The following NR6A1 variants were observed in gnomAD, a reference collection of about 807,000 sequenced individuals.
The protein encoded by NR6A1 is retinoic acid receptor-related testis-associated receptor.
Under a neutral mutation model 59.1 loss-of-function variants are expected in NR6A1, and 7 were observed. That is an observed-to-expected ratio of 0.12 (90% CI 0.07 to 0.22). The LOEUF (loss-of-function observed/expected upper bound fraction) is 0.22, where lower values mean the gene tolerates loss of function less well. NR6A1 is among the 10% of genes least tolerant of loss of function. NR6A1 has a pLI of 1.00. For missense variants in NR6A1, 468 were observed against 611.6 expected (o/e 0.77, Z 2.48); for synonymous variants, 243 against 236.1 (o/e 1.03, Z -0.27).
At chr9:124,757,944 C>T (rs759799715) in intron 1 of NR6A1, among the ~76,000 whole-genome samples, 5 of 152,132 alleles carry the variant, frequency 3.3e-5, no homozygotes, top group Non-Finnish European at 7.4e-5. Flanking sequence ...GCACACTGTA[C>T]GAAAAGCAAA....
chr9:124,554,636 C>CAACT, intron 2 of NR6A1, 66 bp from the exon 3 acceptor site: 1 of 1,599,664 alleles, frequency 6.3e-7, no homozygotes. Flanking sequence ...CTAAAGTGAG[C>CAACT]AACTCTGCTC....
chr9:124,671,304 G>C (rs537816297), intron 2 of NR6A1, among the ~76,000 whole-genome samples: 1 of 152,156 alleles, frequency 6.6e-6, no homozygotes, highest in Non-Finnish European at 1.5e-5. Flanking sequence ...GCTTTTGTGT[G>C]TGTGTTTTAC....
intron 2 of NR6A1, among the ~76,000 whole-genome samples, chr9:124,713,790 A>T (rs1839345589): frequency 6.6e-6 from 1 of 152,250 alleles, no homozygotes; most frequent in Non-Finnish European, 1.5e-5. Context: ...ACTGCTGATG[A>T]GAACGTAAAG....
At chr9:124,600,906 G>A (rs1057277742) in intron 2 of NR6A1, among the ~76,000 whole-genome samples, 12 of 148,994 alleles carry the variant, frequency 8.1e-5, no homozygotes, top group African/African-American at 3.0e-4. Context: ...AAAAGATTTT[G>A]TAATGCCAAT....
intron 2 of NR6A1, among the ~76,000 whole-genome samples, chr9:124,636,618 C>G (rs777477100): frequency 2.6e-5 from 4 of 152,128 alleles, no homozygotes; most frequent in Admixed American, 1.3e-4. Flanking sequence ...TGTCTTGATT[C>G]ATTTTTTTGC....
chr9:124,531,628 G>C (rs1201684196), intron 7 of NR6A1, among the ~76,000 whole-genome samples: 1 of 152,000 alleles, frequency 6.6e-6, no homozygotes, highest in Non-Finnish European at 1.5e-5. Flanking sequence ...CACTTCCTAT[G>C]ACCTCCTAGG....
chr9:124,754,510 G>A (rs1840587000), intron 1 of NR6A1, among the ~76,000 whole-genome samples: 1 of 152,186 alleles, frequency 6.6e-6, no homozygotes, highest in African/African-American at 2.4e-5. Context: ...GAAGCAGAGA[G>A]GACCTCTGCT....
intron 2 of NR6A1, among the ~76,000 whole-genome samples, chr9:124,691,085 G>A (rs139267296): frequency 0.011 from 1,736 of 152,040 alleles, 17 homozygotes; most frequent in Middle Eastern, 0.068. Context: ...GCTTGACATC[G>A]CTTTATATTA....
At chr9:124,632,285 CA>C (rs1324023226) in intron 2 of NR6A1, among the ~76,000 whole-genome samples, 4 of 152,196 alleles carry the variant, frequency 2.6e-5, no homozygotes, top group Non-Finnish European at 4.4e-5. Flanking sequence ...CTCCCACCAA[CA>C]GTGTAAAAGC....
intron 1 of NR6A1, chr9:124,770,338 G>A (rs1265884630): frequency 1.3e-5 from 2 of 152,552 alleles, no homozygotes; most frequent in African/African-American, 4.8e-5. Flanking sequence ...AGGCGCGAAG[G>A]GGTCCGAAAA....
Position 124,517,721 on chromosome 9 carries a change from C to A in NR6A1, c.*4984G>T, listed in dbSNP as rs1362756319. On this transcript the variant is annotated 3_prime_UTR_variant, in exon 10 of 10. Transcript: ENST00000487099. Reference sequence around the variant, plus strand: ...AATGGAGGCCTCTTCAGGGGGGTGACTAGTCCCTGGCTGGGTAGGTGGGAA... The same window carrying A: ...AATGGAGGCCTCTTCAGGGGGGTGAATAGTCCCTGGCTGGGTAGGTGGGAA... 1 of 152,186 alleles carries A rather than the reference C, an allele frequency of 6.6e-6. No homozygotes were observed. The allele number at this position is 152,186 out of a possible 1,614,324, so 9.4% of individuals were successfully genotyped here.
intron 2 of NR6A1, among the ~76,000 whole-genome samples, chr9:124,617,253 G>C (rs573550152): frequency 6.6e-6 from 1 of 152,306 alleles, no homozygotes; most frequent in East Asian, 1.9e-4. Flanking sequence ...CCAGCTTTGA[G>C]AGCCAATTTT....
intron 2 of NR6A1, among the ~76,000 whole-genome samples, chr9:124,571,614 A>C (rs1396102013): frequency 1.3e-5 from 2 of 152,200 alleles, no homozygotes; most frequent in Non-Finnish European, 2.9e-5. Context: ...AGGGCTTGCT[A>C]ACTTCGGATG....
intron 1 of NR6A1, among the ~76,000 whole-genome samples, chr9:124,767,853 C>T (rs1588867402): frequency 6.6e-6 from 1 of 152,318 alleles, no homozygotes; most frequent in East Asian, 1.9e-4. Context: ...CTTTGCCTTC[C>T]TTTGCTTTAA....
At chr9:124,589,914 A>G (rs1388768278) in intron 2 of NR6A1, among the ~76,000 whole-genome samples, 1 of 151,798 alleles carries the variant, frequency 6.6e-6, no homozygotes, top group Non-Finnish European at 1.5e-5. Context: ...AAAATGCAAA[A>G]ATCAGCTGGG....
At chr9:124,618,204 AG>A (rs1286502134) in intron 2 of NR6A1, among the ~76,000 whole-genome samples, 1 of 152,206 alleles carries the variant, frequency 6.6e-6, no homozygotes, top group African/African-American at 2.4e-5. Context: ...AACCATGGCC[AG>A]GTACGGTGGC....
intron 2 of NR6A1, among the ~76,000 whole-genome samples, chr9:124,694,488 A>C (rs1373969615): frequency 1.3e-5 from 2 of 152,216 alleles, no homozygotes; most frequent in East Asian, 3.8e-4. Flanking sequence ...CTTTTGACAA[A>C]AACTATGAGG....
chr9:124,602,380 T>C (rs944326052), intron 2 of NR6A1, among the ~76,000 whole-genome samples: 2 of 152,218 alleles, frequency 1.3e-5, no homozygotes, highest in African/African-American at 4.8e-5. Context: ...AAGACCCAGA[T>C]TGGCCCAGAG....
At chr9:124,730,489 C>T (rs1490125908) in intron 2 of NR6A1, among the ~76,000 whole-genome samples, 2 of 151,986 alleles carry the variant, frequency 1.3e-5, no homozygotes, top group Non-Finnish European at 2.9e-5. Context: ...CCCGCTTTGG[C>T]CTCCCAAAGT....
Sources: allele counts gnomAD v4.1 joint callset (sites outside exome capture counted in the v4.1 genomes callset), GRCh38; gene constraint gnomAD v4.1.1; transcripts MANE v1.5; gene names NCBI Gene and HGNC (gene_info 2026-07-23, HGNC 2026-07-21).